The following CIT variants were observed in gnomAD, a reference collection of about 807,000 sequenced individuals.
CIT encodes citron rho-interacting serine/threonine kinase.
CIT carries 79 observed loss-of-function variants against 272.7 expected under a neutral mutation model. The ratio of observed to expected loss-of-function variants is 0.29; its 90% CI spans 0.24 to 0.35. The LOEUF is 0.35. Ranked by LOEUF, CIT falls within the 10% of genes least tolerant of loss-of-function variation. The pLI is 1.00. For missense variants in CIT, 1,909 were observed against 2,618.3 expected (o/e 0.73, Z 5.91); for synonymous variants, 948 against 995.6 (o/e 0.95, Z 0.90).
intron 19 of CIT, among the ~76,000 whole-genome samples, chr12:119,765,808 A>C (rs987250088): frequency 7.2e-5 from 11 of 152,180 alleles, no homozygotes; most frequent in African/African-American, 1.4e-4. Flanking sequence ...AGTAAGCCTC[A>C]GAAAAATTAA....
chr12:119,697,955 G>T lies in CIT; in HGVS notation c.5702+21C>A. 6.2e-7 allele frequency: 1 copy of T among 1,613,770 alleles called. No individual in the cohort carries two copies. Among genetic ancestry groups the T allele is most frequent in the Non-Finnish European group, 8.5e-7 (1 of 1,179,686 alleles). On this transcript the variant is annotated intron_variant, in intron 45 of 47. Coordinates refer to ENST00000392521, the MANE Select transcript of CIT (RefSeq NM_001206999.2). The surrounding 1 kb of genome is among the most constrained non-coding windows in gnomAD (Gnocchi z 4.9). ...TACCCCAATAGCTGAAGTTTTCCACGCATGGGAGGACAATGCTTACCCTGC... is the reference window on the plus strand; with the variant it reads ...TACCCCAATAGCTGAAGTTTTCCACTCATGGGAGGACAATGCTTACCCTGC...
At chr12:119,791,470 G>C (rs1306519865) in intron 10 of CIT, among the ~76,000 whole-genome samples, 1 of 152,184 alleles carries the variant, frequency 6.6e-6, no homozygotes, top group Non-Finnish European at 1.5e-5. Flanking sequence ...GAGTAATTAG[G>C]TGGGAAGCAG....
chr12:119,697,915 G>T lies in CIT; in HGVS notation c.5702+61C>A. The T allele has an allele frequency of 1.2e-6, 2 of 1,612,620 alleles. No homozygotes were observed. Among genetic ancestry groups the T allele is most frequent in the Non-Finnish European group, 1.7e-6 (2 of 1,178,672 alleles). ...TAGGCAAGTTAGGAAGGAACATGCGGCCGGCCCCAACACCTACCCCAATAG... is the reference window on the plus strand; with the variant it reads ...TAGGCAAGTTAGGAAGGAACATGCGTCCGGCCCCAACACCTACCCCAATAG... On this transcript the variant is annotated intron_variant, in intron 45 of 47. Transcript: ENST00000392521. This position sits in a 1 kb window ranked among gnomAD's most constrained non-coding sequence, Gnocchi z 4.9.
intron 9 of CIT, among the ~76,000 whole-genome samples, chr12:119,806,137 C>CAAAAAAAAAAA (rs3858711): frequency 4.8e-5 from 3 of 62,656 alleles, no homozygotes; most frequent in Admixed American, 2.4e-4. Context: ...AACACCATCT[C>CAAAAAAAAAAA]AAAAAAAAAA....
At position 119,784,881 on chromosome 12, in the gene CIT, G is replaced by A. The variant is rs1033018116; in HGVS notation, c.1401+79C>T. ...GATCAGGCGGCTCAGAGCCAGCAGC[G>A]GCCCCGGGCGGATCCCTTGGCATAT... On this transcript the variant is annotated intron_variant, in intron 11 of 47. Coordinates refer to ENST00000392521, the MANE Select transcript of CIT (RefSeq NM_001206999.2). This position sits in a 1 kb window ranked among gnomAD's most constrained non-coding sequence, Gnocchi z 4.7. 6.6e-5 allele frequency: 102 copies of A among 1,550,606 alleles called. No individual in the cohort carries two copies. Among genetic ancestry groups the A allele is most frequent in the Middle Eastern group, 2.2e-4 (1 of 4,624 alleles).
rs1957108261 is a variant in CIT, at chr12:119,710,446, C to G, written c.4936-60G>C. The G allele has an allele frequency of 1.2e-6, 2 of 1,613,050 alleles. No homozygotes were observed. Among genetic ancestry groups the G allele is most frequent in the Middle Eastern group, 1.7e-4 (1 of 5,970 alleles). On this transcript the variant is annotated intron_variant, in intron 38 of 47. Coordinates refer to ENST00000392521, the MANE Select transcript of CIT (RefSeq NM_001206999.2). This position sits in a 1 kb window ranked among gnomAD's most constrained non-coding sequence, Gnocchi z 5.6. Reference sequence around the variant, plus strand: ...CACGGTCACGTCACCAGAACAATCTCTAGTAAGAGCAACAAGGCCTCCACA... The same window carrying G: ...CACGGTCACGTCACCAGAACAATCTGTAGTAAGAGCAACAAGGCCTCCACA...
rs76053532 is a variant in CIT, at chr12:119,762,144, C to T, written c.2305-1089G>A. The stretch of plus-strand genomic sequence containing the variant: ...AAAGGACTGTCACAGCTCATGGGGA[C>T]GACGTCCCTAAAAAGAGCCAGTCAG... On this transcript the variant is annotated intron_variant, in intron 19 of 47. Coordinates refer to ENST00000392521, the MANE Select transcript of CIT (RefSeq NM_001206999.2). Among the ~76,000 whole-genome samples the T allele has an allele frequency of 4.2e-3, 632 of 151,974 alleles. 2 individuals carry two copies. The highest frequency in any genetic ancestry group is 0.014 in the African/African-American group (592 of 41,434).
chr12:119,693,081 T>A (rs1446632885), intron 46 of CIT, among the ~76,000 whole-genome samples: 3 of 152,152 alleles, frequency 2.0e-5, no homozygotes, highest in Non-Finnish European at 4.4e-5. Context: ...GGGTGCTCAC[T>A]GGCCAGGGGA....
rs1053815666 is a variant in CIT, at chr12:119,810,985, A to G, written c.1112-7596T>C. ...CAAGCCCTCTAGTTTCTCCCCTCCC[A>G]CTAGGAAGTGGTCAGGCATGACTTG... On this transcript the variant is annotated intron_variant, in intron 9 of 47. Transcript: ENST00000392521. Among the ~76,000 whole-genome samples, 5 of 152,280 alleles carry G rather than the reference A, an allele frequency of 3.3e-5. No individual in the cohort carries two copies. In the South Asian group the frequency reaches 1.0e-3, roughly 32 times the overall value.
intron 27 of CIT, 63 bp downstream of exon 27, chr12:119,730,432 G>A: frequency 6.6e-7 from 1 of 1,515,918 alleles, no homozygotes; most frequent in South Asian, 1.3e-5. Context: ...TTTTTATCAA[G>A]CGTGCCTTTA....
chr12:119,803,074 C>A (rs754238606), intron 10 of CIT, 132 bp downstream of exon 10: 41 of 644,394 alleles, frequency 6.4e-5, no homozygotes, highest in Non-Finnish European at 9.6e-5. Flanking sequence ...GACTGCTTTC[C>A]CAATGCAGGT....
intron 3 of CIT, among the ~76,000 whole-genome samples, chr12:119,862,797 A>G (rs1172537489): frequency 1.0e-3 from 110 of 107,422 alleles, no homozygotes; most frequent in South Asian, 2.2e-3. Context: ...GTGACAGAGC[A>G]AGACTCTACC....
At chr12:119,874,014 C>T (rs972577931) in intron 2 of CIT, among the ~76,000 whole-genome samples, 4 of 152,138 alleles carry the variant, frequency 2.6e-5, no homozygotes, top group Non-Finnish European at 5.9e-5. Flanking sequence ...ATCCTCACAA[C>T]AACCCTGTGG....
chr12:119,787,043 C>T (rs908425930), intron 10 of CIT, among the ~76,000 whole-genome samples: 3 of 152,096 alleles, frequency 2.0e-5, no homozygotes, highest in African/African-American at 7.2e-5. Context: ...CAGGTCACTG[C>T]AGCCTCGACT....
At chr12:119,876,276 G>T in intron 1 of CIT, 95 bp from the exon 2 acceptor site, 1 of 713,436 alleles carries the variant, frequency 1.4e-6, no homozygotes, top group Non-Finnish European at 2.3e-6. Flanking sequence ...GGGACAAGGA[G>T]GTGAAAATCA....
intron 7 of CIT, among the ~76,000 whole-genome samples, chr12:119,832,080 G>A (rs1968679067): frequency 6.6e-6 from 1 of 152,194 alleles, no homozygotes; most frequent in Non-Finnish European, 1.5e-5. Flanking sequence ...TGTAAAATCA[G>A]TCTTAAAACC....
At chr12:119,787,322 G>A (rs908540051) in intron 10 of CIT, among the ~76,000 whole-genome samples, 10 of 151,820 alleles carry the variant, frequency 6.6e-5, no homozygotes, top group South Asian at 2.1e-4. Flanking sequence ...TCCCAGCTAC[G>A]TGGGAGGCTG....
At chr12:119,743,154 C>T (rs1162396764) in intron 23 of CIT, among the ~76,000 whole-genome samples, 4 of 150,796 alleles carry the variant, frequency 2.7e-5, no homozygotes, top group Non-Finnish European at 4.4e-5. Context: ...ATTCTGGTGA[C>T]GGAAGATCGG....
Position 119,803,346 on chromosome 12 carries a change from G to C in CIT, c.1155C>G (p.Thr385=). The stretch of plus-strand genomic sequence containing the variant: ...TCTTCTCTGGTTCATCAAAATTGGA[G>C]GTGTCATCGTCAGACTTGAGGGTGG... ...FVPTLKSDDD[T]SNFDEPEKNS... The change falls in exon 10 of 48, where the codon ACC becomes ACG. Residue 385 remains threonine (T), a synonymous_variant. Transcript: ENST00000392521. 1 of 1,604,432 alleles carries C rather than the reference G, an allele frequency of 6.2e-7. No homozygotes were observed. Among genetic ancestry groups the C allele is most frequent in the Non-Finnish European group, 8.5e-7 (1 of 1,175,654 alleles).
Sources: allele counts gnomAD v4.1 joint callset (sites outside exome capture counted in the v4.1 genomes callset), GRCh38; gene constraint gnomAD v4.1.1; non-coding constraint Gnocchi (gnomAD v3.1); transcripts MANE v1.5; gene names NCBI Gene and HGNC (gene_info 2026-07-23, HGNC 2026-07-21).